The following MAP9 variants were observed in gnomAD, a reference collection of about 807,000 sequenced individuals.
MAP9 encodes microtubule associated protein 9.
A neutral mutation model predicts 75.2 loss-of-function variants in MAP9; 80 were observed. That is an observed-to-expected ratio of 1.06 (90% CI 0.89 to 1.28). The LOEUF is 1.28. Among genes scored for constraint, MAP9 ranks in the 50% most tolerant of loss-of-function variants. The probability of loss-of-function intolerance (pLI) is 0.00; values close to 1 mark genes in which losing one functional copy is unlikely to be tolerated. For missense variants in MAP9, 753 were observed against 719.9 expected (o/e 1.05, Z -0.53); for synonymous variants, 235 against 237.3 (o/e 0.99, Z 0.09).
chr4:155,371,996 C>A lies in MAP9; in HGVS notation c.481+1140G>T, dbSNP rs1008095167. 2.0e-5 allele frequency among the ~76,000 whole-genome samples: 3 copies of A among 152,138 alleles called. No individual in the cohort carries two copies. In the East Asian group the frequency reaches 5.8e-4, roughly 29 times the overall value. ...AGTTTATGAGATGCACTTCAATAAA[C>A]TCTCACAATTTTGCAGGAATAGAAA... On this transcript the variant is annotated intron_variant, in intron 4 of 13. Coordinates refer to ENST00000311277, the MANE Select transcript of MAP9 (RefSeq NM_001039580.2).
Position 155,352,331 on chromosome 4 carries a change from T to G in MAP9, c.1821+265A>C, listed in dbSNP as rs558478693. On this transcript the variant is annotated intron_variant, in intron 13 of 13. Transcript: ENST00000311277. ...GCAAAGGAAGAATGGGCATGAATAG[T>G]AAATGGTAAATGTGGGGATGCAGGT... 7 of 313,776 alleles carry G rather than the reference T, an allele frequency of 2.2e-5. No individual in the cohort carries two copies. In the East Asian group the frequency reaches 7.3e-4, roughly 33 times the overall value. 19.4% of individuals were successfully genotyped at this position (313,776 alleles called of 1,614,324 possible).
chr4:155,351,040 T>C (rs1731488594), intron 13 of MAP9: 1 of 151,566 alleles, frequency 6.6e-6, no homozygotes, highest in Non-Finnish European at 1.5e-5. Flanking sequence ...ATGGAAAAAA[T>C]AAATAAACAA....
chr4:155,355,684 C>T, intron 9 of MAP9, 32 bp downstream of exon 9: 2 of 1,541,442 alleles, frequency 1.3e-6, no homozygotes, highest in Non-Finnish European at 1.8e-6. Context: ...AGTGATCATT[C>T]TTCTTCTCTT....
intron 12 of MAP9, 76 bp from the exon 13 acceptor site, chr4:155,352,804 G>T: frequency 7.0e-7 from 1 of 1,432,792 alleles, no homozygotes; most frequent in Non-Finnish European, 9.5e-7. Context: ...ATCTTTGACA[G>T]TAATGAAATT....
intron 10 of MAP9, among the ~76,000 whole-genome samples, chr4:155,353,561 T>C (rs1250780522): frequency 5.3e-5 from 8 of 152,138 alleles, no homozygotes; most frequent in Admixed American, 5.2e-4. Context: ...AACGTCCTTT[T>C]CTAAAAACAT....
chr4:155,362,151 CAA>C lies in MAP9; in HGVS notation c.709-12_709-11del. The C allele has an allele frequency of 7.9e-6, 11 of 1,386,256 alleles. No homozygotes were observed. Among genetic ancestry groups the C allele is most frequent in the Admixed American group, 2.4e-5 (1 of 41,154 alleles). The allele number at this position is 1,386,256 out of a possible 1,614,324, so 85.9% of individuals were successfully genotyped here. A position where few individuals can be genotyped will look rare whatever the true frequency, so the allele number is the denominator to read the frequency against. On this transcript the variant is annotated splice_polypyrimidine_tract_variant and intron_variant, in intron 5 of 13. Coordinates refer to ENST00000311277, the MANE Select transcript of MAP9 (RefSeq NM_001039580.2). The stretch of plus-strand genomic sequence containing the variant: ...TTGTTAAGCATGAATCCTGTTTTCG[CAA>C]AAAAAAATACATTTGCCACATAAGT...
intron 4 of MAP9, among the ~76,000 whole-genome samples, chr4:155,369,438 T>G (rs1732494930): frequency 6.7e-6 from 1 of 148,632 alleles, no homozygotes; most frequent in South Asian, 2.1e-4. Context: ...TTCAACATTG[T>G]GAACTCTTAT....
Position 155,346,078 on chromosome 4 carries a change from T to TTGTC in MAP9, c.*1701_*1704dup, listed in dbSNP as rs993436414. 2.6e-4 allele frequency: 39 copies of TTGTC among 152,286 alleles called. No homozygotes were observed. Among genetic ancestry groups the TTGTC allele is most frequent in the African/African-American group, 9.1e-4 (38 of 41,570 alleles). 9.4% of individuals were successfully genotyped at this position (152,286 alleles called of 1,614,324 possible). A position where few individuals can be genotyped will look rare whatever the true frequency, so the allele number is the denominator to read the frequency against. On this transcript the variant is annotated 3_prime_UTR_variant, in exon 14 of 14. Transcript: ENST00000311277. Reference sequence around the variant, plus strand: ...GTTTTATCTATGAAATTTCTCTTAATTGTCTATAGCACTGATACAATCTTA... The same window carrying TTGTC: ...GTTTTATCTATGAAATTTCTCTTAATTGTCTGTCTATAGCACTGATACAATCTTA...
chr4:155,355,250 T>G, intron 9 of MAP9, 90 bp from the exon 10 acceptor site: 2 of 456,234 alleles, frequency 4.4e-6, no homozygotes, highest in East Asian at 4.1e-5. Context: ...GAAATTCACA[T>G]GTACAATTTT....
intron 13 of MAP9, chr4:155,349,577 T>TTGTC (rs1430776591): frequency 2.6e-5 from 4 of 152,218 alleles, no homozygotes; most frequent in Non-Finnish European, 5.9e-5. Flanking sequence ...TGTTTGTTTT[T>TTGTC]TGTCAATGTT....
Position 155,353,194 on chromosome 4 carries a change from T to C in MAP9, c.1527A>G (p.Lys509=). 2 of 1,595,300 alleles carry C rather than the reference T, an allele frequency of 1.3e-6. No homozygotes were observed. Among genetic ancestry groups the C allele is most frequent in the Non-Finnish European group, 1.7e-6 (2 of 1,173,404 alleles). ...KKTEEENAAR[K]GEALQAFEKW... is the part of the protein sequence containing the mutation. Reference sequence around the variant, plus strand: ...TTCTGAATACTTGTAGTGCTTCTCCTTTTCTTGCAGCATTTTCTTCTTCAG... The same window carrying C: ...TTCTGAATACTTGTAGTGCTTCTCCCTTTCTTGCAGCATTTTCTTCTTCAG... Residue 509 remains lysine (K), a synonymous_variant, in exon 11 of 14, where the codon AAA becomes AAG. Coordinates refer to ENST00000311277, the MANE Select transcript of MAP9 (RefSeq NM_001039580.2).
intron 6 of MAP9, among the ~76,000 whole-genome samples, chr4:155,360,628 C>T (rs1409680153): frequency 6.6e-6 from 1 of 151,912 alleles, no homozygotes; most frequent in Non-Finnish European, 1.5e-5. Context: ...AAGCACTTAA[C>T]AAATCTAGTA....
rs769986263 is a variant in MAP9 at position 155,353,224 on chromosome 4, CTT to C, written c.1495_1496del (p.Lys499GlufsTer3). 1 of 1,605,446 alleles carries C rather than the reference CTT, an allele frequency of 6.2e-7. No individual in the cohort carries two copies. The highest frequency in any genetic ancestry group is 1.3e-5 in the African/African-American group (1 of 74,448). On this transcript the variant is annotated frameshift_variant, in exon 11 of 14. Transcript: ENST00000311277. LOFTEE classifies it high-confidence loss of function. ...AKKRLEEKNK[K>X]KTEEENAARK... Reference sequence around the variant, plus strand: ...TTGCAGCATTTTCTTCTTCAGTTTTCTTCTTGTTTTTTTCTTCAAGCCTCTTT... The same window carrying C: ...TTGCAGCATTTTCTTCTTCAGTTTTCCTTGTTTTTTTCTTCAAGCCTCTTT...
intron 7 of MAP9, among the ~76,000 whole-genome samples, 158 bp downstream of exon 7, chr4:155,360,010 T>C (rs772018444): frequency 6.6e-6 from 1 of 152,098 alleles, no homozygotes; most frequent in Non-Finnish European, 1.5e-5. Context: ...TTAAATTTTA[T>C]TGGATTAAGT....
chr4:155,361,083 G>C (rs1417554902), intron 6 of MAP9: 3 of 151,964 alleles, frequency 2.0e-5, no homozygotes, highest in Admixed American at 2.0e-4. Flanking sequence ...TTTTGGAATG[G>C]GATCACCAAC....
intron 5 of MAP9, 73 bp from the exon 6 acceptor site, chr4:155,362,214 T>G: frequency 1.1e-6 from 1 of 918,608 alleles, no homozygotes; most frequent in Non-Finnish European, 1.7e-6. Context: ...ATAGCATTAT[T>G]AAAACTACAA....
chr4:155,369,272 G>A (rs1480421128), intron 4 of MAP9, among the ~76,000 whole-genome samples: 2 of 148,464 alleles, frequency 1.3e-5, no homozygotes, highest in South Asian at 2.2e-4. Flanking sequence ...GCAGTGAGCC[G>A]AGATCGAGAT....
chr4:155,349,093 T>G (rs996457835), intron 13 of MAP9, among the ~76,000 whole-genome samples: 1 of 152,104 alleles, frequency 6.6e-6, no homozygotes, highest in Non-Finnish European at 1.5e-5. Flanking sequence ...CAACAAAAAA[T>G]GGACTCAGGG....
chr4:155,369,475 A>C (rs1205551334), intron 4 of MAP9, among the ~76,000 whole-genome samples: 1 of 123,154 alleles, frequency 8.1e-6, no homozygotes, highest in East Asian at 2.1e-4. Flanking sequence ...TGTTAAAAAT[A>C]AAAAAACAAA....
Sources: allele counts gnomAD v4.1 joint callset (sites outside exome capture counted in the v4.1 genomes callset), GRCh38; gene constraint gnomAD v4.1.1; transcripts MANE v1.5; gene names NCBI Gene and HGNC (gene_info 2026-07-23, HGNC 2026-07-21).